Variants in FOXRED1 observed in about 807,000 individuals in gnomAD.
The protein encoded by FOXRED1 is FAD-dependent oxidoreductase domain-containing protein 1.
FOXRED1 carries 52 observed loss-of-function variants against 57.8 expected under a neutral mutation model. The observed-to-expected ratio is 0.90, with a 90% CI of 0.72 to 1.13. FOXRED1 has a LOEUF of 1.13. Ranked by LOEUF, FOXRED1 falls within the 50% of genes most tolerant of loss-of-function variation. The pLI is 0.00. For synonymous variants in FOXRED1, 271 were observed against 248.3 expected, an observed-to-expected ratio of 1.09 and a Z score of -0.86; for missense variants, 589 against 625.2, an observed-to-expected ratio of 0.94 and a Z score of 0.62.
rs1950990410 is a variant in FOXRED1 at position 126,271,684 on chromosome 11, T to G, written c.306+27T>G. On this transcript the variant is annotated intron_variant, in intron 2 of 10. Coordinates refer to ENST00000263578, the MANE Select transcript of FOXRED1 (RefSeq NM_017547.4). The surrounding 1 kb of genome is among the most constrained non-coding windows in gnomAD (Gnocchi z 5.3). ...TGAGGTCTGGGGTAGGGCAGAGTCA[T>G]GAGTGGGGCAAGAAAGATGACTCAT... is the stretch of plus-strand genomic sequence containing the variant. The G allele has an allele frequency of 1.9e-6, 3 of 1,556,026 alleles. No homozygotes were observed. The East Asian group carries it at 6.7e-5, about 35-fold the overall frequency.
Position 126,275,246 on chromosome 11 carries a change from AG to A in FOXRED1, c.632-77del. 9.3e-7 allele frequency: 1 copy of A among 1,080,662 alleles called. No homozygotes were observed. Among genetic ancestry groups the A allele is most frequent in the South Asian group, 1.3e-5 (1 of 79,690 alleles). The allele number at this position is 1,080,662 out of a possible 1,614,324, so 66.9% of individuals were successfully genotyped here. Reference sequence around the variant, plus strand: ...CTTCCCCGGCTTACAAGCCCTAGAGAGGGGTTGGGGGGCACAGGAAATACAA... The same window carrying A: ...CTTCCCCGGCTTACAAGCCCTAGAGAGGGTTGGGGGGCACAGGAAATACAA... On this transcript the variant is annotated intron_variant, in intron 5 of 10. Transcript: ENST00000263578. This position sits in a 1 kb window ranked among gnomAD's most constrained non-coding sequence, Gnocchi z 5.9.
In FOXRED1 at chr11:126,271,337, A is replaced by C. The variant is rs547558200; in HGVS notation, c.86-100A>C. On this transcript the variant is annotated intron_variant, in intron 1 of 10. Transcript: ENST00000263578. The surrounding 1 kb of genome is among the most constrained non-coding windows in gnomAD (Gnocchi z 5.3). ...GGCTGACAGTGGGGACTGCCAACTC[A>C]TGTGTCTGTTTAGCTCACCTTTTCC... The C allele has an allele frequency of 1.2e-6, 1 of 857,280 alleles. No homozygotes were observed. The highest frequency in any genetic ancestry group is 2.4e-5 in the East Asian group (1 of 40,908). 53.1% of individuals were successfully genotyped at this position (857,280 alleles called of 1,614,324 possible).
rs760102129 is a variant in FOXRED1, at chr11:126,277,704, C to T, written c.*15C>T. 1.9e-6 allele frequency: 3 copies of T among 1,612,146 alleles called. No homozygotes were observed. The highest frequency in any genetic ancestry group is 2.7e-5 in the African/African-American group (2 of 74,912). Reference sequence around the variant, plus strand: ...ACATCATCTGAGCATGTGTGCTCTGCACTGGCTCCACTGGCTTGCATCCTG... The same window carrying T: ...ACATCATCTGAGCATGTGTGCTCTGTACTGGCTCCACTGGCTTGCATCCTG... On this transcript the variant is annotated 3_prime_UTR_variant, in exon 11 of 11. Transcript: ENST00000263578. This position sits in a 1 kb window ranked among gnomAD's most constrained non-coding sequence, Gnocchi z 6.8.
In FOXRED1 at chr11:126,273,497, G is replaced by C. The variant is rs549577651; in HGVS notation, c.536+43G>C. On this transcript the variant is annotated intron_variant, in intron 4 of 10. Transcript: ENST00000263578. This position sits in a 1 kb window ranked among gnomAD's most constrained non-coding sequence, Gnocchi z 5.9. The stretch of plus-strand genomic sequence containing the variant: ...CCTCTTAGCTGCTTGGCAGCCAAAG[G>C]TGTTGGGTGACTCCTGCACCAGGTT... 1.5e-6 allele frequency: 2 copies of C among 1,322,410 alleles called. No individual in the cohort carries two copies. The highest frequency in any genetic ancestry group is 3.7e-4 in the Middle Eastern group (2 of 5,380). The allele number at this position is 1,322,410 out of a possible 1,614,324, so 81.9% of individuals were successfully genotyped here.
rs879636192 is a variant in FOXRED1 at position 126,271,851 on chromosome 11, A to G, written c.306+194A>G. 1.1e-4 allele frequency: 68 copies of G among 617,590 alleles called. No homozygotes were observed. Among genetic ancestry groups the G allele is most frequent in the East Asian group, 3.4e-4 (12 of 34,912 alleles). The allele number at this position is 617,590 out of a possible 1,614,324, so 38.3% of individuals were successfully genotyped here. ...CTCAGTCGAACCAGGAAGCTTGGCA[A>G]TAAGGTTTGTTCTTTTGAAAGCAGA... On this transcript the variant is annotated intron_variant, in intron 2 of 10. Transcript: ENST00000263578. This position sits in a 1 kb window ranked among gnomAD's most constrained non-coding sequence, Gnocchi z 5.3.
In FOXRED1 at chr11:126,276,381, C is replaced by A. The variant is rs1278819433; in HGVS notation, c.972-13C>A. 1 of 1,049,812 alleles carries A rather than the reference C, an allele frequency of 9.5e-7. No individual in the cohort carries two copies. The highest frequency in any genetic ancestry group is 3.4e-5 in the African/African-American group (1 of 29,206). The allele number at this position is 1,049,812 out of a possible 1,614,324, so 65.0% of individuals were successfully genotyped here. A position where few individuals can be genotyped will look rare whatever the true frequency, so the allele number is the denominator to read the frequency against. On this transcript the variant is annotated splice_polypyrimidine_tract_variant and intron_variant, in intron 8 of 10. Transcript: ENST00000263578. ...GCTGTTTCTGCAGTTCGTAACCGCACTGGTTGTGGCAGGTATGTGTATGTG... is the reference window on the plus strand; with the variant it reads ...GCTGTTTCTGCAGTTCGTAACCGCAATGGTTGTGGCAGGTATGTGTATGTG...
chr11:126,271,962 C>CTTTTTT lies in FOXRED1; in HGVS notation c.306+317_306+322dup. The CTTTTTT allele has an allele frequency of 3.3e-6, 1 of 299,272 alleles. No individual in the cohort carries two copies. 18.5% of individuals were successfully genotyped at this position (299,272 alleles called of 1,614,324 possible). The stretch of plus-strand genomic sequence containing the variant: ...CTATAATTAAGTGTCTCAATTTTCT[C>CTTTTTT]TTTTTTTTTTTTTTTTTGAGACAGA... On this transcript the variant is annotated intron_variant, in intron 2 of 10. Transcript: ENST00000263578. This position sits in a 1 kb window ranked among gnomAD's most constrained non-coding sequence, Gnocchi z 5.3.
rs898561896 is a variant in FOXRED1, at chr11:126,271,764, G to A, written c.306+107G>A. On this transcript the variant is annotated intron_variant, in intron 2 of 10. Coordinates refer to ENST00000263578, the MANE Select transcript of FOXRED1 (RefSeq NM_017547.4). The surrounding 1 kb of genome is among the most constrained non-coding windows in gnomAD (Gnocchi z 5.3). Reference sequence around the variant, plus strand: ...GAGAGGAGGGGAAGACCTCAATCTCGGAGGGTCCAACGGACAGAGATTGTG... The same window carrying A: ...GAGAGGAGGGGAAGACCTCAATCTCAGAGGGTCCAACGGACAGAGATTGTG... The A allele has an allele frequency of 2.6e-5, 24 of 919,372 alleles. No homozygotes were observed. The highest frequency in any genetic ancestry group is 3.2e-5 in the African/African-American group (2 of 61,780). 57.0% of individuals were successfully genotyped at this position (919,372 alleles called of 1,614,324 possible).
Position 126,275,738 on chromosome 11 carries a change from C to G in FOXRED1, c.734-56C>G, listed in dbSNP as rs1951110739. ...TTTCCTTAAGAAACCAGTGAAATCC[C>G]CATTTCATTCCTCTTCAGCACCTCT... On this transcript the variant is annotated intron_variant, in intron 6 of 10. Transcript: ENST00000263578. The surrounding 1 kb of genome is among the most constrained non-coding windows in gnomAD (Gnocchi z 5.9). 8.5e-7 allele frequency: 1 copy of G among 1,180,160 alleles called. No homozygotes were observed. The highest frequency in any genetic ancestry group is 1.5e-5 in the African/African-American group (1 of 66,574). The allele number at this position is 1,180,160 out of a possible 1,614,324, so 73.1% of individuals were successfully genotyped here.
chr11:126,272,750 C>T lies in FOXRED1; in HGVS notation c.307-219C>T. On this transcript the variant is annotated intron_variant, in intron 2 of 10. Coordinates refer to ENST00000263578, the MANE Select transcript of FOXRED1 (RefSeq NM_017547.4). This position sits in a 1 kb window ranked among gnomAD's most constrained non-coding sequence, Gnocchi z 4.6. ...TTACCATTTTGTACCACTGTGTCAG[C>T]TCTTTCCAGATGACTGACCCTCTCT... is the stretch of plus-strand genomic sequence containing the variant. The T allele has an allele frequency of 3.2e-6, 2 of 617,708 alleles. No homozygotes were observed. The highest frequency in any genetic ancestry group is 3.8e-5 in the South Asian group (2 of 53,168). The allele number at this position is 617,708 out of a possible 1,614,324, so 38.3% of individuals were successfully genotyped here.
rs1272582078 is a variant in FOXRED1 at position 126,276,536 on chromosome 11, G to T, written c.1101+13G>T. On this transcript the variant is annotated intron_variant, in intron 9 of 10. Coordinates refer to ENST00000263578, the MANE Select transcript of FOXRED1 (RefSeq NM_017547.4). Reference sequence around the variant, plus strand: ...TAGCCCCACTGAGGTAAGCTGAGTGGGGTGGGACATGCTGGCAAGGAGACA... The same window carrying T: ...TAGCCCCACTGAGGTAAGCTGAGTGTGGTGGGACATGCTGGCAAGGAGACA... The T allele has an allele frequency of 6.2e-7, 1 of 1,602,656 alleles. No homozygotes were observed. The highest frequency in any genetic ancestry group is 2.3e-5 in the East Asian group (1 of 44,298).
intron 1 of FOXRED1, 169 bp downstream of exon 1, chr11:126,269,460 G>A: frequency 3.8e-6 from 5 of 1,321,380 alleles, no homozygotes; most frequent in Non-Finnish European, 5.3e-6. Flanking sequence ...CAGGTGTATG[G>A]CTCCCAAGGC....
Position 126,269,255 on chromosome 11 carries a change from C to T in FOXRED1, c.49C>T (p.Arg17Trp). The change falls in exon 1 of 11, where the codon CGG (arginine) becomes TGG (tryptophan). Residue 17 changes from arginine to tryptophan, a missense_variant. Coordinates refer to ENST00000263578, the MANE Select transcript of FOXRED1 (RefSeq NM_017547.4). Reference protein sequence around the residue: ...PHGMGRGLLTRRPGTRRGGFS... With the variant: ...PHGMGRGLLTWRPGTRRGGFS... ...CGGCATGGGCCGGGGCCTCTTGACCCGGAGGCCAGGCACGCGCAGAGGAGG... is the reference window on the plus strand; with the variant it reads ...CGGCATGGGCCGGGGCCTCTTGACCTGGAGGCCAGGCACGCGCAGAGGAGG... 9 of 1,614,152 alleles carry T rather than the reference C, an allele frequency of 5.6e-6. No homozygotes were observed. The highest frequency in any genetic ancestry group is 7.6e-6 in the Non-Finnish European group (9 of 1,179,986).
rs1204880633 is a variant in FOXRED1, at chr11:126,275,390, A to C, written c.695A>C (p.Gln232Pro). 3.1e-6 allele frequency: 5 copies of C among 1,613,858 alleles called. No homozygotes were observed. Among genetic ancestry groups the C allele is most frequent in the Non-Finnish European group, 4.2e-6 (5 of 1,179,764 alleles). ...CLLQGLRRKV[Q>P]SLGVLFCQGE... is the part of the protein sequence containing the mutation. ...CTCCAGGGGCTTCGGCGAAAGGTCCAGTCCTTGGGAGTCCTTTTCTGCCAG... is the reference window on the plus strand; with the variant it reads ...CTCCAGGGGCTTCGGCGAAAGGTCCCGTCCTTGGGAGTCCTTTTCTGCCAG... Residue 232 changes from glutamine (Q) to proline (P), a missense_variant, in exon 6 of 11, where the codon CAG becomes CCG. By Grantham distance (76) the Gln-to-Pro change is moderately conservative. Coordinates refer to ENST00000263578, the MANE Select transcript of FOXRED1 (RefSeq NM_017547.4). This position sits in a 1 kb window ranked among gnomAD's most constrained non-coding sequence, Gnocchi z 5.9.
In FOXRED1 at chr11:126,273,047, C is replaced by T; in HGVS notation, c.385C>T (p.Leu129Phe). 6.2e-7 allele frequency: 1 copy of T among 1,601,382 alleles called. No homozygotes were observed. Among genetic ancestry groups the T allele is most frequent in the Non-Finnish European group, 8.6e-7 (1 of 1,168,270 alleles). ...ATTGCCTGAGAACATCCAGCTCTCCCTCTTTTCAGCCAGCTTTCTACGGAA... is the reference window on the plus strand; with the variant it reads ...ATTGCCTGAGAACATCCAGCTCTCCTTCTTTTCAGCCAGCTTTCTACGGAA... The part of the protein sequence containing the change: ...FSLPENIQLS[L>F]FSASFLRNIN... The change falls in exon 3 of 11, where the codon CTC becomes TTC. Residue 129 changes from leucine (L) to phenylalanine (F), a missense_variant. By Grantham distance (22) the Leu-to-Phe change is conservative (BLOSUM62 0). Coordinates refer to ENST00000263578, the MANE Select transcript of FOXRED1 (RefSeq NM_017547.4). This position sits in a 1 kb window ranked among gnomAD's most constrained non-coding sequence, Gnocchi z 5.9.
At position 126,271,702 on chromosome 11, in the gene FOXRED1, T is replaced by C; in HGVS notation, c.306+45T>C. 6.8e-7 allele frequency: 1 copy of C among 1,475,390 alleles called. No homozygotes were observed. The highest frequency in any genetic ancestry group is 2.2e-4 in the Middle Eastern group (1 of 4,582). 91.4% of individuals were successfully genotyped at this position (1,475,390 alleles called of 1,614,324 possible). A position where few individuals can be genotyped will look rare whatever the true frequency, so the allele number is the denominator to read the frequency against. ...AGAGTCATGAGTGGGGCAAGAAAGA[T>C]GACTCATTTTATTAAGGACTCTAGC... On this transcript the variant is annotated intron_variant, in intron 2 of 10. Transcript: ENST00000263578. This position sits in a 1 kb window ranked among gnomAD's most constrained non-coding sequence, Gnocchi z 5.3.
Position 126,275,422 on chromosome 11 carries a change from G to A in FOXRED1, c.727G>A (p.Val243Met), listed in dbSNP as rs1478409284. 3 of 1,607,192 alleles carry A rather than the reference G, an allele frequency of 1.9e-6. No homozygotes were observed. ...GGGAGTCCTTTTCTGCCAGGGAGAG[G>A]TGACACGTGAGTCTGAGCTTGTTTC... ...SLGVLFCQGE[V>M]TRFVSSSQRM... The change falls in exon 6 of 11, where the codon GTG becomes ATG. Residue 243 changes from valine to methionine, a missense_variant. Coordinates refer to ENST00000263578, the MANE Select transcript of FOXRED1 (RefSeq NM_017547.4). The surrounding 1 kb of genome is among the most constrained non-coding windows in gnomAD (Gnocchi z 5.9).
Position 126,273,350 on chromosome 11 carries a change from A to T in FOXRED1, c.432A>T (p.Val144=), listed in dbSNP as rs1386001257. Residue 144 remains valine, a synonymous_variant, in exon 4 of 11, where the codon GTA becomes GTT. Transcript: ENST00000263578. This position sits in a 1 kb window ranked among gnomAD's most constrained non-coding sequence, Gnocchi z 5.9. ...FLRNINEYLA[V]VDAPPLDLRF... ...TCTGCACACAGGAGTACCTGGCCGT[A>T]GTCGATGCTCCTCCCCTGGACCTCC... The T allele has an allele frequency of 2.5e-6, 4 of 1,612,766 alleles. No homozygotes were observed. The South Asian group carries it at 4.4e-5, about 18-fold the overall frequency.
intron 1 of FOXRED1, among the ~76,000 whole-genome samples, chr11:126,269,986 C>CA (rs58199526): frequency 0.2 from 14,460 of 71,318 alleles, 1,771 homozygotes; most frequent in African/African-American, 0.34. Flanking sequence ...AACTCCGTCT[C>CA]AAAAAAAAAA....
Sources: gnomAD v4.1 joint callset for allele counts (sites outside exome capture counted in the v4.1 genomes callset) on GRCh38, gnomAD v4.1.1 for gene constraint, Gnocchi (gnomAD v3.1) non-coding constraint, MANE v1.5 for transcripts, NCBI Gene and HGNC (gene_info 2026-07-23, HGNC 2026-07-21) for gene names.